TMEM178B: variants seen among roughly 807,000 people sequenced by gnomAD.
TMEM178B encodes the protein transmembrane protein 178B.
TMEM178B carries 5 observed loss-of-function variants against 31.0 expected under a neutral mutation model. That is an observed-to-expected ratio of 0.16 (90% CI 0.08 to 0.34). The LOEUF is 0.34. Ranked by LOEUF, TMEM178B falls within the 10% of genes least tolerant of loss-of-function variation. TMEM178B has a pLI of 1.00. For synonymous variants in TMEM178B, 164 were observed against 164.0 expected (o/e 1.00, Z 0.00); for missense variants, 275 against 400.3 (o/e 0.69, Z 2.67).
At chr7:141,317,392 A>G (rs1366489399) in intron 2 of TMEM178B, among the ~76,000 whole-genome samples, 1 of 152,198 alleles carries the variant, frequency 6.6e-6, no homozygotes, top group Non-Finnish European at 1.5e-5. Context: ...TGTTTTGCCC[A>G]CCTGGCTGCA....
intron 1 of TMEM178B, among the ~76,000 whole-genome samples, chr7:141,153,221 A>C (rs1796007068): frequency 6.6e-6 from 1 of 152,186 alleles, no homozygotes; most frequent in Non-Finnish European, 1.5e-5. Flanking sequence ...GGATTTGTGA[A>C]AGTGCTGATT....
chr7:141,267,923 C>T (rs538418207), intron 2 of TMEM178B, among the ~76,000 whole-genome samples: 26 of 152,290 alleles, frequency 1.7e-4, no homozygotes, highest in Middle Eastern at 3.4e-3. Context: ...TAAGTATTCT[C>T]GAAGTTTACC....
At chr7:141,306,719 C>T (rs1398504814) in intron 2 of TMEM178B, among the ~76,000 whole-genome samples, 6 of 150,694 alleles carry the variant, frequency 4.0e-5, no homozygotes, top group Admixed American at 6.6e-5. Flanking sequence ...GTATTCTGTT[C>T]TCTTTGTGCC....
At chr7:141,451,057 C>CA (rs1801853637) in intron 3 of TMEM178B, among the ~76,000 whole-genome samples, 1 of 152,194 alleles carries the variant, frequency 6.6e-6, no homozygotes, top group African/African-American at 2.4e-5. Flanking sequence ...CCTCCACTCC[C>CA]ACCAGCAAGG....
At chr7:141,103,530 G>A (rs1166564495) in intron 1 of TMEM178B, among the ~76,000 whole-genome samples, 1 of 151,958 alleles carries the variant, frequency 6.6e-6, no homozygotes, top group Non-Finnish European at 1.5e-5. Context: ...TGAGTTTTTT[G>A]AGGGCTCTAT....
At chr7:141,401,495 A>C (rs1343473116) in intron 2 of TMEM178B, among the ~76,000 whole-genome samples, 1 of 152,196 alleles carries the variant, frequency 6.6e-6, no homozygotes, top group Non-Finnish European at 1.5e-5. Context: ...AGCTCACTGC[A>C]GCCTCAAATT....
At chr7:141,257,387 CA>C (rs1797944483) in intron 2 of TMEM178B, among the ~76,000 whole-genome samples, 1 of 152,174 alleles carries the variant, frequency 6.6e-6, no homozygotes, top group Non-Finnish European at 1.5e-5. Context: ...GTTATATTTT[CA>C]AGATGTTGAC....
downstream of TMEM178B, among the ~76,000 whole-genome samples, chr7:141,480,812 C>T (rs541529330): frequency 9.2e-5 from 14 of 152,174 alleles, no homozygotes; most frequent in Non-Finnish European, 1.6e-4. Context: ...AGTCACAGTT[C>T]CTTTCCACAC....
chr7:141,251,737 G>A (rs530381330), intron 2 of TMEM178B, among the ~76,000 whole-genome samples: 30 of 152,068 alleles, frequency 2.0e-4, no homozygotes, highest in African/African-American at 6.7e-4. Flanking sequence ...CCCAACCCAC[G>A]GTCCTCTGTC....
chr7:141,201,284 C>T (rs1408697388), intron 1 of TMEM178B, among the ~76,000 whole-genome samples: 3 of 152,146 alleles, frequency 2.0e-5, no homozygotes, highest in African/African-American at 7.2e-5. Flanking sequence ...TTGCACAGGT[C>T]TGACTGGGCA....
chr7:141,089,034 A>C (rs772898185), intron 1 of TMEM178B, among the ~76,000 whole-genome samples: 3 of 152,224 alleles, frequency 2.0e-5, no homozygotes, highest in African/African-American at 7.2e-5. Context: ...CCCATGCATT[A>C]TATCCATGCA....
chr7:141,107,478 A>G (rs1159949263), intron 1 of TMEM178B, among the ~76,000 whole-genome samples: 1 of 152,156 alleles, frequency 6.6e-6, no homozygotes, highest in Non-Finnish European at 1.5e-5. Context: ...GGTGAGAAGT[A>G]GAGATACTTT....
At chr7:141,373,130 T>C (rs1404672582) in intron 2 of TMEM178B, among the ~76,000 whole-genome samples, 1 of 152,156 alleles carries the variant, frequency 6.6e-6, no homozygotes, top group East Asian at 1.9e-4. Flanking sequence ...AGGACTTCAA[T>C]GATGAAATGA....
intron 2 of TMEM178B, among the ~76,000 whole-genome samples, chr7:141,308,943 A>C (rs1224497958): frequency 6.6e-6 from 1 of 152,194 alleles, no homozygotes; most frequent in East Asian, 1.9e-4. Context: ...GTATAAAGCC[A>C]TGCTGATTAC....
At chr7:141,482,621 C>T (rs180913060), downstream of TMEM178B, among the ~76,000 whole-genome samples, 113 of 152,254 alleles carry the variant, frequency 7.4e-4, no homozygotes, top group Admixed American at 1.4e-3. Context: ...CCCAAGACCA[C>T]GCTCGGATTC....
intron 2 of TMEM178B, among the ~76,000 whole-genome samples, chr7:141,254,206 G>A (rs1398925318): frequency 6.6e-6 from 1 of 152,136 alleles, no homozygotes; most frequent in African/African-American, 2.4e-5. Context: ...TCTGAGGATG[G>A]GGCCATCCCA....
At chr7:141,290,608 C>T (rs762815293) in intron 2 of TMEM178B, among the ~76,000 whole-genome samples, 3 of 152,194 alleles carry the variant, frequency 2.0e-5, no homozygotes, top group African/African-American at 7.2e-5. Flanking sequence ...TGCACACACA[C>T]GCGCGTGCTT....
At chr7:141,203,091 T>C (rs944300581) in intron 1 of TMEM178B, among the ~76,000 whole-genome samples, 1 of 152,252 alleles carries the variant, frequency 6.6e-6, no homozygotes, top group African/African-American at 2.4e-5. Context: ...ATGCATCTGA[T>C]AAATGGCCTT....
chr7:141,343,947 C>A lies in TMEM178B; in HGVS notation c.497-93661C>A, dbSNP rs531541882. ...GATCTCCTGTTGCAACCCAGAGGAT[C>A]CCTGATCTTGGCCTGTGATTCTCAA... is the stretch of plus-strand genomic sequence containing the variant. On this transcript the variant is annotated intron_variant, in intron 2 of 3. Transcript: ENST00000565468. Among the ~76,000 whole-genome samples, 8 of 152,264 alleles carry A rather than the reference C, an allele frequency of 5.3e-5. No homozygotes were observed. The East Asian group carries it at 1.5e-3, about 29-fold the overall frequency.
Sources: allele counts gnomAD v4.1 joint callset (sites outside exome capture counted in the v4.1 genomes callset), GRCh38; gene constraint gnomAD v4.1.1; transcripts MANE v1.5; gene names NCBI Gene and HGNC (gene_info 2026-07-23, HGNC 2026-07-21).